Variants in ZNF862 observed in about 807,000 individuals in gnomAD.
The protein encoded by ZNF862 is zinc finger protein 862.
A neutral mutation model predicts 91.1 loss-of-function variants in ZNF862; 64 were observed. The observed-to-expected ratio is 0.70, with a 90% CI of 0.57 to 0.87. The LOEUF is 0.87. Ranked by LOEUF, ZNF862 falls within the 40% of genes least tolerant of loss-of-function variation. ZNF862 has a pLI of 0.00. For synonymous variants in ZNF862, 631 were observed against 618.1 expected, an observed-to-expected ratio of 1.02 and a Z score of -0.31; for missense variants, 1,459 against 1,528.0, an observed-to-expected ratio of 0.95 and a Z score of 0.75.
At chr7:149,843,822 G>A (rs565373576) in intron 1 of ZNF862, among the ~76,000 whole-genome samples, 11 of 152,266 alleles carry the variant, frequency 7.2e-5, no homozygotes, top group Non-Finnish European at 1.3e-4. Context: ...GGAGGTTTCC[G>A]GTGCTGGAAG....
At position 149,860,864 on chromosome 7, in the gene ZNF862, C is replaced by T. The variant is rs994153207; in HGVS notation, c.1704C>T (p.His568=). 1.1e-5 allele frequency: 18 copies of T among 1,613,594 alleles called. No individual in the cohort carries two copies. The highest frequency in any genetic ancestry group is 1.5e-5 in the Non-Finnish European group (18 of 1,179,908). Residue 568 remains histidine, a synonymous_variant, in exon 7 of 8, where the codon CAC becomes CAT. Coordinates refer to ENST00000223210, the MANE Select transcript of ZNF862 (RefSeq NM_001099220.3). The part of the protein sequence containing the change: ...FFNAAYSIAY[H]SRPLNDFEKI... Reference sequence around the variant, plus strand: ...ATGCCGCCTACTCCATTGCATACCACTCAAGGCCCCTGAATGACTTTGAGA... The same window carrying T: ...ATGCCGCCTACTCCATTGCATACCATTCAAGGCCCCTGAATGACTTTGAGA...
chr7:149,846,130 C>T (rs1586044191), intron 2 of ZNF862, 21 bp from the exon 3 acceptor site: 15 of 1,360,692 alleles, frequency 1.1e-5, no homozygotes, highest in South Asian at 3.7e-5. Context: ...CTCTCGCTCT[C>T]TTTTTTTTTT....
chr7:149,859,792 G>A lies in ZNF862; in HGVS notation c.1222+266G>A, dbSNP rs1481070269. 14 of 426,256 alleles carry A rather than the reference G, an allele frequency of 3.3e-5. No individual in the cohort carries two copies. In the East Asian group the frequency reaches 3.6e-4, roughly 11 times the overall value. The allele number at this position is 426,256 out of a possible 1,614,324, so 26.4% of individuals were successfully genotyped here. A position where few individuals can be genotyped will look rare whatever the true frequency, so the allele number is the denominator to read the frequency against. On this transcript the variant is annotated intron_variant, in intron 6 of 7. Transcript: ENST00000223210. ...TGGCAGAGCTGGTGGGAGCAGGTAC[G>A]TGGGGACACTGGTCTCGAGGAGCCA...
chr7:149,866,072 C>T lies in ZNF862; in HGVS notation c.*1788C>T, dbSNP rs1473096802. ...GTACCGCAGGTACCCTGGTACCCCACCTGCCCTTTCATCCCCACCCCAGTA... is the reference window on the plus strand; with the variant it reads ...GTACCGCAGGTACCCTGGTACCCCATCTGCCCTTTCATCCCCACCCCAGTA... On this transcript the variant is annotated 3_prime_UTR_variant, in exon 8 of 8. Transcript: ENST00000223210. 1 of 152,216 alleles carries T rather than the reference C, an allele frequency of 6.6e-6. No individual in the cohort carries two copies. Among genetic ancestry groups the T allele is most frequent in the African/African-American group, 2.4e-5 (1 of 41,450 alleles). 9.4% of individuals were successfully genotyped at this position (152,216 alleles called of 1,614,324 possible). A position where few individuals can be genotyped will look rare whatever the true frequency, so the allele number is the denominator to read the frequency against.
intron 5 of ZNF862, among the ~76,000 whole-genome samples, chr7:149,857,444 G>A (rs1802299902): frequency 6.6e-6 from 1 of 151,956 alleles, no homozygotes; most frequent in Non-Finnish European, 1.5e-5. Context: ...TTTCATGAAT[G>A]GCTATCATGA....
At chr7:149,843,674 A>G (rs900946767) in intron 1 of ZNF862, among the ~76,000 whole-genome samples, 1 of 152,172 alleles carries the variant, frequency 6.6e-6, no homozygotes, top group East Asian at 1.9e-4. Flanking sequence ...CCGAAAATGT[A>G]ATAGCTCTGT....
rs1802224072 is a variant in ZNF862 at position 149,855,373 on chromosome 7, C to T, written c.1118-4049C>T. Among the ~76,000 whole-genome samples the T allele has an allele frequency of 6.6e-6, 1 of 152,168 alleles. No individual in the cohort carries two copies. Among genetic ancestry groups the T allele is most frequent in the Non-Finnish European group, 1.5e-5 (1 of 68,030 alleles). ...ATTTAACACTCAATTCTTGCCTTTCCCTCCTCAACCTGCTGCGGCTGTAGA... is the reference window on the plus strand; with the variant it reads ...ATTTAACACTCAATTCTTGCCTTTCTCTCCTCAACCTGCTGCGGCTGTAGA... On this transcript the variant is annotated intron_variant, in intron 5 of 7. Transcript: ENST00000223210. This position sits in a 1 kb window ranked among gnomAD's most constrained non-coding sequence, Gnocchi z 4.1.
In ZNF862 at chr7:149,860,810, C is replaced by T; in HGVS notation, c.1650C>T (p.Asp550=). The T allele has an allele frequency of 1.2e-6, 2 of 1,613,850 alleles. No individual in the cohort carries two copies. The highest frequency in any genetic ancestry group is 1.7e-6 in the Non-Finnish European group (2 of 1,179,896). The change falls in exon 7 of 8, where the codon GAC becomes GAT. Residue 550 remains aspartate, a synonymous_variant. Transcript: ENST00000223210. ...HTALVPEISS[D]LMANMEHFFN... ...CCCTCGTTCCAGAGATCTCCAGCGA[C>T]CTCATGGCCAACATGGAGCACTTTT...
intron 1 of ZNF862, among the ~76,000 whole-genome samples, chr7:149,842,765 A>G (rs1020000491): frequency 6.6e-6 from 1 of 152,216 alleles, no homozygotes; most frequent in Admixed American, 6.5e-5. Flanking sequence ...CCTGGGATAC[A>G]GCAGTCATCC....
rs1802216704 is a variant in ZNF862, at chr7:149,855,221, A to C, written c.1118-4201A>C. Reference sequence around the variant, plus strand: ...GCTGGAACACATGGGGCAGAATGTCAATGATTGGAGTTCCTTGTGTTATTC... The same window carrying C: ...GCTGGAACACATGGGGCAGAATGTCCATGATTGGAGTTCCTTGTGTTATTC... On this transcript the variant is annotated intron_variant, in intron 5 of 7. Coordinates refer to ENST00000223210, the MANE Select transcript of ZNF862 (RefSeq NM_001099220.3). This position sits in a 1 kb window ranked among gnomAD's most constrained non-coding sequence, Gnocchi z 4.1. Among the ~76,000 whole-genome samples, 1 of 152,228 alleles carries C rather than the reference A, an allele frequency of 6.6e-6. No individual in the cohort carries two copies. Among genetic ancestry groups the C allele is most frequent in the Non-Finnish European group, 1.5e-5 (1 of 68,046 alleles).
At chr7:149,839,749 C>T (rs1563114106) in intron 1 of ZNF862, among the ~76,000 whole-genome samples, 1 of 152,144 alleles carries the variant, frequency 6.6e-6, no homozygotes, top group African/African-American at 2.4e-5. Context: ...GTAGCAGACA[C>T]GGCACCTACA....
chr7:149,838,558 C>T lies in ZNF862; in HGVS notation c.-54C>T, dbSNP rs1801597015. ...CCCGGGGCGGTCGCGGCGGCTGCAT[C>T]CTCAGGCCAGGCCGCGGGGGGAGGG... On this transcript the variant is annotated 5_prime_UTR_variant, in exon 1 of 8. Transcript: ENST00000223210. The T allele has an allele frequency of 8.5e-7, 1 of 1,179,332 alleles. No individual in the cohort carries two copies. Among genetic ancestry groups the T allele is most frequent in the Non-Finnish European group, 1.1e-6 (1 of 939,666 alleles). The allele number at this position is 1,179,332 out of a possible 1,614,324, so 73.1% of individuals were successfully genotyped here. A position where few individuals can be genotyped will look rare whatever the true frequency, so the allele number is the denominator to read the frequency against.
rs1215530247 is a variant in ZNF862 at position 149,855,922 on chromosome 7, G to A, written c.1118-3500G>A. 6.6e-6 allele frequency: 1 copy of A among 152,242 alleles called. No homozygotes were observed. The highest frequency in any genetic ancestry group is 1.5e-5 in the Non-Finnish European group (1 of 68,094). 9.4% of individuals were successfully genotyped at this position (152,242 alleles called of 1,614,324 possible). A position where few individuals can be genotyped will look rare whatever the true frequency, so the allele number is the denominator to read the frequency against. On this transcript the variant is annotated intron_variant, in intron 5 of 7. Transcript: ENST00000223210. The surrounding 1 kb of genome is among the most constrained non-coding windows in gnomAD (Gnocchi z 4.1). The stretch of plus-strand genomic sequence containing the variant: ...CAAGGCTGGACTCGTGGCCATTCAC[G>A]GCTCCCAGAGATACAGGTCAGGTTA...
chr7:149,859,381 C>T (rs1298196764), intron 5 of ZNF862, 41 bp from the exon 6 acceptor site: 3 of 1,516,664 alleles, frequency 2.0e-6, no homozygotes, highest in Non-Finnish European at 2.7e-6. Flanking sequence ...TCGATTTGGC[C>T]ACAGCAGTGA....
At chr7:149,839,157 A>G (rs549970062) in intron 1 of ZNF862, among the ~76,000 whole-genome samples, 1 of 152,356 alleles carries the variant, frequency 6.6e-6, no homozygotes, top group East Asian at 1.9e-4. Context: ...CCTGTGTCAT[A>G]AATTGGCTTT....
chr7:149,852,284 T>A (rs907651753), intron 5 of ZNF862: 2 of 151,970 alleles, frequency 1.3e-5, no homozygotes, highest in Non-Finnish European at 2.9e-5. Context: ...AACCAAATAT[T>A]ATTTTGCATT....
intron 4 of ZNF862, 116 bp downstream of exon 4, chr7:149,848,548 C>A: frequency 1.2e-6 from 1 of 846,304 alleles, no homozygotes; most frequent in Non-Finnish European, 1.7e-6. Flanking sequence ...CTGCTAACAT[C>A]ATAATGTTGG....
In ZNF862 at chr7:149,838,856, G is replaced by C. The variant is rs576294315; in HGVS notation, c.24+221G>C. 7.9e-5 allele frequency among the ~76,000 whole-genome samples: 12 copies of C among 152,384 alleles called. No individual in the cohort carries two copies. The East Asian group carries it at 1.9e-3, about 25-fold the overall frequency. ...TTCGGTGTCCGCGCATCCTCCCCGA[G>C]CTGCCGAGCGTCCGCTGGGTCGATG... On this transcript the variant is annotated intron_variant, in intron 1 of 7. Coordinates refer to ENST00000223210, the MANE Select transcript of ZNF862 (RefSeq NM_001099220.3).
Position 149,847,893 on chromosome 7 carries a change from C to A in ZNF862, c.400C>A (p.Leu134Met). The change falls in exon 4 of 8, where the codon CTG becomes ATG. Residue 134 changes from leucine to methionine, a missense_variant. By Grantham distance (15) the Leu-to-Met change is conservative. Coordinates refer to ENST00000223210, the MANE Select transcript of ZNF862 (RefSeq NM_001099220.3). ...CTGGGCCGGAAGAAACAGGAAACTT[C>A]TGAAGCCCCGGTCCATCCAGAAGTC... ...GDWAGRNRKL[L>M]KPRSIQKSWF... is the part of the protein sequence containing the mutation. 1 of 1,608,522 alleles carries A rather than the reference C, an allele frequency of 6.2e-7. No individual in the cohort carries two copies. The highest frequency in any genetic ancestry group is 8.5e-7 in the Non-Finnish European group (1 of 1,177,226).
Sources: allele counts gnomAD v4.1 joint callset (sites outside exome capture counted in the v4.1 genomes callset), GRCh38; gene constraint gnomAD v4.1.1; non-coding constraint Gnocchi (gnomAD v3.1); transcripts MANE v1.5; gene names NCBI Gene and HGNC (gene_info 2026-07-23, HGNC 2026-07-21).